The following CACNA2D3 variants were observed in gnomAD, a reference collection of about 807,000 sequenced individuals.
CACNA2D3 encodes calcium voltage-gated channel auxiliary subunit alpha2delta 3.
In CACNA2D3, 60 loss-of-function variants were observed where a neutral mutation model predicts 160.6. That is an observed-to-expected ratio of 0.37 (90% CI 0.30 to 0.46). The LOEUF is 0.46. CACNA2D3 is among the 20% of genes least tolerant of loss of function. The probability of loss-of-function intolerance (pLI) is 1.00; values close to 1 mark genes in which losing one functional copy is unlikely to be tolerated. For missense variants in CACNA2D3, 1,205 were observed against 1,365.0 expected (o/e 0.88, Z 1.85); for synonymous variants, 558 against 492.9 (o/e 1.13, Z -1.75).
chr3:54,838,995 C>G (rs1575504626), intron 16 of CACNA2D3, among the ~76,000 whole-genome samples: 1 of 152,276 alleles, frequency 6.6e-6, no homozygotes, highest in South Asian at 2.1e-4. Context: ...TGGAGACTCA[C>G]GCCTGTAATC....
intron 4 of CACNA2D3, among the ~76,000 whole-genome samples, chr3:54,490,375 G>A (rs1701089912): frequency 6.6e-6 from 1 of 152,228 alleles, no homozygotes; most frequent in East Asian, 1.9e-4. Context: ...GCCATACCAG[G>A]CCGGTTCCCG....
At chr3:54,838,689 T>C (rs772144342) in intron 16 of CACNA2D3, 41 bp downstream of exon 16, 2 of 1,415,532 alleles carry the variant, frequency 1.4e-6, no homozygotes, top group East Asian at 2.3e-5. Context: ...GCAACAGAGA[T>C]GCCCAGAGCC....
At chr3:54,653,365 T>C (rs139893399) in intron 11 of CACNA2D3, among the ~76,000 whole-genome samples, 136 of 152,274 alleles carry the variant, frequency 8.9e-4, no homozygotes, top group African/African-American at 3.1e-3. Context: ...CTTTCCTCTT[T>C]CTCTTTCTTT....
At chr3:54,357,572 A>G (rs1698671152) in intron 3 of CACNA2D3, among the ~76,000 whole-genome samples, 1 of 152,180 alleles carries the variant, frequency 6.6e-6, no homozygotes, top group South Asian at 2.1e-4. Context: ...GCTCTTTTGT[A>G]TTTACCCAAA....
At chr3:54,975,497 G>A (rs1317353271) in intron 29 of CACNA2D3, among the ~76,000 whole-genome samples, 2 of 146,624 alleles carry the variant, frequency 1.4e-5, no homozygotes, top group Non-Finnish European at 3.0e-5. Context: ...CTCCAGCCTG[G>A]GCAACAGAGT....
intron 2 of CACNA2D3, among the ~76,000 whole-genome samples, chr3:54,190,473 C>A (rs139303242): frequency 6.6e-6 from 1 of 152,220 alleles, no homozygotes; most frequent in Admixed American, 6.5e-5. Flanking sequence ...CACCAGCACA[C>A]ACACCACTTT....
At chr3:54,802,865 C>G (rs1235172385) in intron 13 of CACNA2D3, among the ~76,000 whole-genome samples, 4 of 152,180 alleles carry the variant, frequency 2.6e-5, no homozygotes, top group African/African-American at 7.2e-5. Flanking sequence ...GACAAAACTT[C>G]CAGAGGAACG....
At chr3:54,533,398 G>A (rs947945400) in intron 5 of CACNA2D3, among the ~76,000 whole-genome samples, 6 of 137,220 alleles carry the variant, frequency 4.4e-5, no homozygotes, top group African/African-American at 1.6e-4. Flanking sequence ...GCAGTGGCAC[G>A]ATCCAGGCTC....
At chr3:54,891,476 G>A (rs747978914) in intron 25 of CACNA2D3, 26 bp downstream of exon 25, 3 of 1,502,984 alleles carry the variant, frequency 2.0e-6, no homozygotes, top group Non-Finnish European at 2.8e-6. Context: ...CCTCTACAGG[G>A]GCCCAGGGAG....
rs567098042 is a variant in CACNA2D3, at chr3:54,469,890, G to T, written c.382-33602G>T. 2.6e-5 allele frequency among the ~76,000 whole-genome samples: 4 copies of T among 152,102 alleles called. No individual in the cohort carries two copies. In the South Asian group the frequency reaches 8.3e-4, roughly 32 times the overall value. The stretch of plus-strand genomic sequence containing the variant: ...AAGACAAGATTAGAGAAAAAAGAAT[G>T]AAAAAGAAGGCAAAAAGCCTCCAAG... On this transcript the variant is annotated intron_variant, in intron 4 of 37. Transcript: ENST00000474759.
chr3:54,825,008 C>G (rs1302453230), intron 14 of CACNA2D3, among the ~76,000 whole-genome samples: 1 of 152,118 alleles, frequency 6.6e-6, no homozygotes, highest in Non-Finnish European at 1.5e-5. Context: ...CTTAGAAATC[C>G]AGTGTCTTCT....
intron 9 of CACNA2D3, among the ~76,000 whole-genome samples, chr3:54,590,150 C>T (rs1460011464): frequency 6.6e-6 from 1 of 152,080 alleles, no homozygotes; most frequent in Non-Finnish European, 1.5e-5. Flanking sequence ...CTAGAAACAA[C>T]CCAGATATCC....
intron 35 of CACNA2D3, among the ~76,000 whole-genome samples, chr3:55,034,355 T>C (rs995473416): frequency 1.3e-5 from 2 of 152,052 alleles, no homozygotes; most frequent in Non-Finnish European, 2.9e-5. Flanking sequence ...CTGTGTGCCG[T>C]CTAATTATGT....
intron 29 of CACNA2D3, among the ~76,000 whole-genome samples, chr3:54,970,264 T>A (rs114296998): frequency 0.012 from 1,888 of 152,264 alleles, 49 homozygotes; most frequent in African/African-American, 0.042. Context: ...TCAGAGAAAT[T>A]AAGTGATTCA....
chr3:54,159,902 G>A (rs569548335), intron 2 of CACNA2D3, among the ~76,000 whole-genome samples: 1 of 152,078 alleles, frequency 6.6e-6, no homozygotes, highest in Non-Finnish European at 1.5e-5. Context: ...TAAAAGTATC[G>A]TTTATATAGC....
At chr3:54,517,920 G>A (rs1250323591) in intron 5 of CACNA2D3, among the ~76,000 whole-genome samples, 3 of 152,234 alleles carry the variant, frequency 2.0e-5, no homozygotes, top group South Asian at 4.2e-4. Flanking sequence ...GTTGCCCCGG[G>A]CATCCTACCA....
chr3:55,020,225 A>G (rs1387898179), intron 35 of CACNA2D3, among the ~76,000 whole-genome samples: 2 of 150,884 alleles, frequency 1.3e-5, no homozygotes, highest in Non-Finnish European at 3.0e-5. Flanking sequence ...TTTCTTGGTT[A>G]TTCTTGACTC....
chr3:55,005,189 C>A (rs1703066683), intron 32 of CACNA2D3, among the ~76,000 whole-genome samples: 1 of 151,912 alleles, frequency 6.6e-6, no homozygotes, highest in Admixed American at 6.6e-5. Flanking sequence ...GGCGGGAGAA[C>A]CGCTTGAACC....
intron 4 of CACNA2D3, among the ~76,000 whole-genome samples, chr3:54,477,697 G>T (rs1700854511): frequency 6.6e-6 from 1 of 152,190 alleles, no homozygotes; most frequent in East Asian, 1.9e-4. Context: ...CTCCTGGCTT[G>T]TCCTCTGGCT....
Sources: allele counts gnomAD v4.1 joint callset (sites outside exome capture counted in the v4.1 genomes callset), GRCh38; gene constraint gnomAD v4.1.1; transcripts MANE v1.5; gene names NCBI Gene and HGNC (gene_info 2026-07-23, HGNC 2026-07-21).